Variants in HS3ST3A1 observed in about 807,000 individuals in gnomAD.
The protein encoded by HS3ST3A1 is heparan sulfate-glucosamine 3-sulfotransferase 3A1, also known as heparan sulfate glucosamine 3-O-sulfotransferase 3A1.
In HS3ST3A1, 19 loss-of-function variants were observed where a neutral mutation model predicts 25.7. That is an observed-to-expected ratio of 0.74 (90% confidence interval 0.52 to 1.08). The LOEUF (loss-of-function observed/expected upper bound fraction) is 1.08. Ranked by LOEUF, HS3ST3A1 falls within the 50% of genes least tolerant of loss-of-function variation. The probability of loss-of-function intolerance (pLI) is 0.00; values close to 1 mark genes in which losing one functional copy is unlikely to be tolerated. For missense variants in HS3ST3A1, 459 were observed against 594.3 expected, an observed-to-expected ratio of 0.77 and a Z score of 2.37; for synonymous variants, 226 against 278.6, an observed-to-expected ratio of 0.81 and a Z score of 1.88.
At chr17:13,585,427 T>C (rs111996495) in intron 1 of HS3ST3A1, among the ~76,000 whole-genome samples, 58 of 151,672 alleles carry the variant, frequency 3.8e-4, no homozygotes, top group African/African-American at 6.5e-4. Context: ...CTCAAACTCC[T>C]GACCTCAGGT....
At chr17:13,556,533 T>G (rs1043843113) in intron 1 of HS3ST3A1, among the ~76,000 whole-genome samples, 13 of 145,632 alleles carry the variant, frequency 8.9e-5, no homozygotes, top group Non-Finnish European at 1.2e-4. Flanking sequence ...TAAAAGAAAA[T>G]AAAATAAATA....
chr17:13,532,151 A>G (rs1380193293), intron 1 of HS3ST3A1, among the ~76,000 whole-genome samples: 1 of 152,178 alleles, frequency 6.6e-6, no homozygotes, highest in Non-Finnish European at 1.5e-5. Flanking sequence ...CCACGGACTT[A>G]GTTCACCAAT....
At chr17:13,583,088 C>T (rs1990237) in intron 1 of HS3ST3A1, among the ~76,000 whole-genome samples, 89,723 of 152,040 alleles carry the variant, frequency 0.59, 27,157 homozygotes, top group East Asian at 0.68. Flanking sequence ...CATAGAAAGG[C>T]ATGAGACGCG....
intron 1 of HS3ST3A1, among the ~76,000 whole-genome samples, chr17:13,550,161 T>C (rs8082110): frequency 0.041 from 6,284 of 152,204 alleles, 434 homozygotes; most frequent in African/African-American, 0.14. Context: ...AATCATTTTG[T>C]TTTGTTTTGT....
chr17:13,559,766 C>G (rs16948117), intron 1 of HS3ST3A1, among the ~76,000 whole-genome samples: 2,417 of 151,962 alleles, frequency 0.016, 66 homozygotes, highest in African/African-American at 0.055. Context: ...GAAGCACAGG[C>G]TATCCCTAAG....
At chr17:13,518,201 C>T (rs1906116370) in intron 1 of HS3ST3A1, among the ~76,000 whole-genome samples, 1 of 151,908 alleles carries the variant, frequency 6.6e-6, no homozygotes, top group Non-Finnish European at 1.5e-5. Context: ...AAGATGGTGT[C>T]TATTGTAGCA....
chr17:13,520,414 C>T (rs1353041684), intron 1 of HS3ST3A1, among the ~76,000 whole-genome samples: 14 of 152,130 alleles, frequency 9.2e-5, no homozygotes, highest in Admixed American at 7.9e-4. Context: ...ACTGCACATT[C>T]GGATATTATA....
At position 13,512,305 on chromosome 17, in the gene HS3ST3A1, C is replaced by CAAA. The variant is rs67523378; in HGVS notation, c.600-15490_600-15488dup. Among the ~76,000 whole-genome samples the CAAA allele has an allele frequency of 1.4e-3, 115 of 82,016 alleles. 2 individuals are homozygous for CAAA. Among genetic ancestry groups the CAAA allele is most frequent in the East Asian group, 7.0e-3 (21 of 3,000 alleles). 53.8% of individuals were successfully genotyped at this position (82,016 alleles called of 152,430 possible). On this transcript the variant is annotated intron_variant, in intron 1 of 1. Transcript: ENST00000284110. ...TGGGCGACAGAGCGAGACTCCGTCT[C>CAAA]AAAAAAAAAAAAAAAAAAAAAACTG...
intron 1 of HS3ST3A1, among the ~76,000 whole-genome samples, chr17:13,591,048 C>CTT (rs552742240): frequency 0.056 from 7,714 of 136,592 alleles, 432 homozygotes; most frequent in African/African-American, 0.14. Context: ...TTTTTCTTTT[C>CTT]TTTTTTTTTT....
At chr17:13,513,675 T>C (rs1432528332) in intron 1 of HS3ST3A1, among the ~76,000 whole-genome samples, 1 of 152,238 alleles carries the variant, frequency 6.6e-6, no homozygotes, top group Non-Finnish European at 1.5e-5. Flanking sequence ...ATTACACATC[T>C]ACTTCGTTTT....
intron 1 of HS3ST3A1, among the ~76,000 whole-genome samples, chr17:13,501,840 T>C (rs1905486555): frequency 6.6e-6 from 1 of 152,224 alleles, no homozygotes; most frequent in African/African-American, 2.4e-5. Context: ...GTTAGAACTC[T>C]TTGCCATGTT....
rs537843894 is a variant in HS3ST3A1, at chr17:13,496,143, T to C, written c.*54A>G. The C allele has an allele frequency of 9.0e-6, 13 of 1,447,700 alleles. No individual in the cohort carries two copies. In the East Asian group the frequency reaches 2.8e-4, roughly 31 times the overall value. 89.7% of individuals were successfully genotyped at this position (1,447,700 alleles called of 1,614,324 possible). A position where few individuals can be genotyped will look rare whatever the true frequency, so the allele number is the denominator to read the frequency against. On this transcript the variant is annotated 3_prime_UTR_variant, in exon 2 of 2. Coordinates refer to ENST00000284110, the MANE Select transcript of HS3ST3A1 (RefSeq NM_006042.3). ...TATTAAACTGTCTCTTCTCTACCGA[T>C]TGGTAAAAAAATATATTATATTTTG...
chr17:13,522,855 C>G (rs8077943), intron 1 of HS3ST3A1, among the ~76,000 whole-genome samples: 28,157 of 92,550 alleles, frequency 0.3, 2,646 homozygotes, highest in African/African-American at 0.36. Context: ...CACAGAGAGA[C>G]ACACACACAC....
intron 1 of HS3ST3A1, among the ~76,000 whole-genome samples, chr17:13,589,954 C>A (rs550527187): frequency 1.1e-4 from 17 of 152,262 alleles, no homozygotes; most frequent in Admixed American, 9.8e-4. Flanking sequence ...TCATTCAAAC[C>A]AGCCTGGCAA....
Position 13,494,471 on chromosome 17 carries a change from A to G in HS3ST3A1, c.*1726T>C, listed in dbSNP as rs1905217985. Among the ~76,000 whole-genome samples the G allele has an allele frequency of 6.6e-6, 1 of 152,232 alleles. No homozygotes were observed. Among genetic ancestry groups the G allele is most frequent in the Non-Finnish European group, 1.5e-5 (1 of 68,032 alleles). On this transcript the variant is annotated 3_prime_UTR_variant, in exon 2 of 2. Transcript: ENST00000284110. ...ATTTACATCACCTAATGCAGCAGCT[A>G]TGGTAAATGTACAATTGTACTGCAT... is the stretch of plus-strand genomic sequence containing the variant.
intron 1 of HS3ST3A1, among the ~76,000 whole-genome samples, chr17:13,499,103 C>T (rs74831733): frequency 6.6e-6 from 1 of 152,196 alleles, no homozygotes; most frequent in East Asian, 1.9e-4. Context: ...TTACCCACCT[C>T]TTAGGCACAC....
intron 1 of HS3ST3A1, among the ~76,000 whole-genome samples, chr17:13,580,103 C>T (rs1175540710): frequency 1.3e-5 from 2 of 152,102 alleles, no homozygotes; most frequent in Non-Finnish European, 1.5e-5. Flanking sequence ...GCAGCATATA[C>T]AGTCTGTTGT....
intron 1 of HS3ST3A1, among the ~76,000 whole-genome samples, chr17:13,576,064 A>C (rs548989996): frequency 6.6e-6 from 1 of 152,368 alleles, no homozygotes; most frequent in African/African-American, 2.4e-5. Flanking sequence ...AGTTTTAATC[A>C]GCTCTCCAGG....
chr17:13,519,538 A>G (rs1281529274), intron 1 of HS3ST3A1, among the ~76,000 whole-genome samples: 2 of 152,174 alleles, frequency 1.3e-5, no homozygotes, highest in African/African-American at 4.8e-5. Flanking sequence ...AGTGCTTAGA[A>G]TAGCAATGAT....
Sources: allele counts gnomAD v4.1 joint callset (sites outside exome capture counted in the v4.1 genomes callset), GRCh38; gene constraint gnomAD v4.1.1; transcripts MANE v1.5; gene names NCBI Gene and HGNC (gene_info 2026-07-23, HGNC 2026-07-21).